Variants in TIAM2 observed in about 807,000 individuals in gnomAD.
TIAM2 encodes TIAM Rac1 associated GEF 2, also known as rho guanine nucleotide exchange factor TIAM2.
In TIAM2, 80 loss-of-function variants were observed where a neutral mutation model predicts 152.9. That is an observed-to-expected ratio of 0.52 (90% confidence interval 0.44 to 0.63). TIAM2 has a LOEUF of 0.63. Among genes scored for constraint, TIAM2 ranks in the 30% least tolerant of loss-of-function variants. TIAM2 has a pLI of 0.00. For missense variants in TIAM2, 1,965 were observed against 2,120.1 expected (o/e 0.93, Z 1.44); for synonymous variants, 804 against 838.0 (o/e 0.96, Z 0.70).
intron 1 of TIAM2, among the ~76,000 whole-genome samples, chr6:155,031,594 C>T (rs766000901): frequency 3.3e-5 from 5 of 151,936 alleles, no homozygotes; most frequent in Non-Finnish European, 5.9e-5. Flanking sequence ...TGTGGTGGCA[C>T]GCACCTATAG....
chr6:155,247,130 G>C (rs1783380635), intron 19 of TIAM2, among the ~76,000 whole-genome samples: 1 of 152,258 alleles, frequency 6.6e-6, no homozygotes, highest in Non-Finnish European at 1.5e-5. Flanking sequence ...TGGAGTGAAG[G>C]CTGTAGGCTG....
At chr6:155,070,304 T>C (rs1163980442) in intron 1 of TIAM2, among the ~76,000 whole-genome samples, 1 of 136,312 alleles carries the variant, frequency 7.3e-6, no homozygotes, top group Non-Finnish European at 1.5e-5. Context: ...CACTGCAACC[T>C]CTGCCTCCCG....
chr6:155,067,733 C>T (rs1777733011), intron 1 of TIAM2, among the ~76,000 whole-genome samples: 2 of 152,148 alleles, frequency 1.3e-5, no homozygotes, highest in Admixed American at 6.5e-5. Context: ...CTCCACCTCC[C>T]TGGCTCAGGT....
chr6:155,178,226 C>T (rs1780804288), intron 10 of TIAM2, among the ~76,000 whole-genome samples: 1 of 149,776 alleles, frequency 6.7e-6, no homozygotes, highest in South Asian at 2.1e-4. Flanking sequence ...AGAGCATAGG[C>T]CTGAGATAAA....
intron 1 of TIAM2, among the ~76,000 whole-genome samples, chr6:155,079,062 T>G (rs1225817566): frequency 1.3e-5 from 2 of 152,116 alleles, no homozygotes; most frequent in East Asian, 3.9e-4. Context: ...ATCTTTGTTT[T>G]TTTGTTTTTG....
chr6:155,168,829 C>G (rs370517146), intron 9 of TIAM2: 1 of 1,530,596 alleles, frequency 6.5e-7, no homozygotes, highest in South Asian at 1.2e-5. Context: ...AGTCTTTTTC[C>G]TCCCCCATCT....
intron 2 of TIAM2, among the ~76,000 whole-genome samples, chr6:155,118,779 A>G (rs1375903886): frequency 6.6e-6 from 1 of 151,496 alleles, no homozygotes; most frequent in African/African-American, 2.4e-5. Flanking sequence ...TCATCCTCCA[A>G]GACCCACTTG....
intron 7 of TIAM2, among the ~76,000 whole-genome samples, chr6:155,149,497 G>C (rs1342045811): frequency 6.6e-6 from 1 of 152,204 alleles, no homozygotes; most frequent in Non-Finnish European, 1.5e-5. Context: ...CAACAATTTA[G>C]ACATAGTGTG....
intron 1 of TIAM2, among the ~76,000 whole-genome samples, chr6:155,000,132 T>TC (rs1193268953): frequency 6.6e-6 from 1 of 152,244 alleles, no homozygotes; most frequent in African/African-American, 2.4e-5. Context: ...CATTTATTCC[T>TC]CTGAATTTAA....
At chr6:155,163,458 G>A (rs1047953851) in intron 7 of TIAM2, among the ~76,000 whole-genome samples, 102 of 152,270 alleles carry the variant, frequency 6.7e-4, no homozygotes, top group African/African-American at 2.2e-3. Flanking sequence ...CCCAGAGTTT[G>A]GCTGCATTTC....
chr6:155,169,204 C>G (rs1388346767), intron 9 of TIAM2, among the ~76,000 whole-genome samples: 1 of 152,114 alleles, frequency 6.6e-6, no homozygotes, highest in Non-Finnish European at 1.5e-5. Context: ...ACCGTGTTAG[C>G]CACGATGGTC....
At chr6:155,093,560 CG>C (rs1391434336) in intron 2 of TIAM2, among the ~76,000 whole-genome samples, 1 of 152,160 alleles carries the variant, frequency 6.6e-6, no homozygotes, top group Non-Finnish European at 1.5e-5. Flanking sequence ...GCACTAGGAC[CG>C]GCAGGTATCA....
intron 2 of TIAM2, among the ~76,000 whole-genome samples, chr6:155,113,792 G>A (rs546571256): frequency 6.6e-6 from 1 of 151,824 alleles, no homozygotes; most frequent in Non-Finnish European, 1.5e-5. Flanking sequence ...TGAGAGCAGG[G>A]ATACTTCTTT....
chr6:155,124,601 G>T (rs1323696382), intron 2 of TIAM2, among the ~76,000 whole-genome samples: 1 of 152,182 alleles, frequency 6.6e-6, no homozygotes, highest in Non-Finnish European at 1.5e-5. Flanking sequence ...AAAGTGCTGG[G>T]ATTACAGGCA....
chr6:155,013,763 C>T (rs776983075), intron 1 of TIAM2: 2 of 152,196 alleles, frequency 1.3e-5, no homozygotes, highest in Non-Finnish European at 2.9e-5. Flanking sequence ...CAGTCTCCAT[C>T]AGAAAAGGCT....
Position 155,182,337 on chromosome 6 carries a change from G to T in TIAM2, c.2800+19G>T. The T allele has an allele frequency of 6.3e-7, 1 of 1,593,076 alleles. No homozygotes were observed. Among genetic ancestry groups the T allele is most frequent in the South Asian group, 1.1e-5 (1 of 90,500 alleles). ...GGGGAAGGTCCGTGTGGCACACCGT[G>T]CCCCTGTTGCCTCTTAATTTGAAAC... On this transcript the variant is annotated intron_variant, in intron 13 of 26. Transcript: ENST00000682666.
intron 16 of TIAM2, among the ~76,000 whole-genome samples, chr6:155,241,236 C>T (rs1055695876): frequency 6.6e-6 from 1 of 152,142 alleles, no homozygotes; most frequent in East Asian, 1.9e-4. Flanking sequence ...CTTGAGTACC[C>T]GAAGAATTCA....
At chr6:155,175,431 A>T (rs984509484) in intron 9 of TIAM2, among the ~76,000 whole-genome samples, 2 of 152,210 alleles carry the variant, frequency 1.3e-5, no homozygotes, top group African/African-American at 4.8e-5. Context: ...AAGTATGATG[A>T]ATGATATATA....
At chr6:155,113,067 A>G (rs1336910375) in intron 2 of TIAM2, among the ~76,000 whole-genome samples, 3 of 152,054 alleles carry the variant, frequency 2.0e-5, no homozygotes, top group African/African-American at 7.2e-5. Context: ...ACACCCTCTA[A>G]TTATGACTTT....
Sources: allele counts gnomAD v4.1 joint callset (sites outside exome capture counted in the v4.1 genomes callset), GRCh38; gene constraint gnomAD v4.1.1; transcripts MANE v1.5; gene names NCBI Gene and HGNC (gene_info 2026-07-23, HGNC 2026-07-21).